The following PIK3R1 variants were observed in gnomAD, a reference collection of about 807,000 sequenced individuals.
PIK3R1 encodes phosphoinositide-3-kinase regulatory subunit 1.
Under a neutral mutation model 98.0 loss-of-function variants are expected in PIK3R1, and 29 were observed. The observed-to-expected ratio is 0.30, with a 90% CI of 0.22 to 0.40. The LOEUF is 0.40. Among genes scored for constraint, PIK3R1 ranks in the 10% least tolerant of loss-of-function variants. PIK3R1 has a pLI of 1.00. For missense variants in PIK3R1, 596 were observed against 872.7 expected (o/e 0.68, Z 3.99); for synonymous variants, 282 against 311.8 (o/e 0.90, Z 1.01).
At chr5:68,267,294 A>G (rs1206454936) in intron 2 of PIK3R1, among the ~76,000 whole-genome samples, 2 of 152,172 alleles carry the variant, frequency 1.3e-5, no homozygotes, top group Non-Finnish European at 2.9e-5. Context: ...CCCGTCAGAA[A>G]CAAAGCTGTT....
chr5:68,280,095 C>A (rs57659863), intron 5 of PIK3R1: 5,669 of 317,700 alleles, frequency 0.018, 331 homozygotes, highest in African/African-American at 0.11. Context: ...TCCTGAGTGG[C>A]CATAACAGAA....
intron 2 of PIK3R1, among the ~76,000 whole-genome samples, chr5:68,228,658 C>T (rs1001857511): frequency 1.3e-5 from 2 of 151,696 alleles, no homozygotes; most frequent in Non-Finnish European, 2.9e-5. Flanking sequence ...TAGCCTAATT[C>T]CAAAGGAAAA....
intron 2 of PIK3R1, among the ~76,000 whole-genome samples, chr5:68,251,262 T>G (rs1200670764): frequency 6.6e-6 from 1 of 152,100 alleles, no homozygotes; most frequent in East Asian, 1.9e-4. Context: ...TTTAATAATG[T>G]CTGGTGGAAA....
intron 2 of PIK3R1, among the ~76,000 whole-genome samples, chr5:68,242,189 A>G (rs374071472): frequency 2.0e-5 from 3 of 152,370 alleles, no homozygotes; most frequent in East Asian, 3.9e-4. Flanking sequence ...ATTCCAACCT[A>G]GAAAAATGTT....
At chr5:68,278,582 T>A (rs1031419422) in intron 4 of PIK3R1, among the ~76,000 whole-genome samples, 12 of 152,158 alleles carry the variant, frequency 7.9e-5, no homozygotes, top group African/African-American at 2.9e-4. Context: ...TGTTAGGAAA[T>A]GTTTGGGTTC....
intron 2 of PIK3R1, among the ~76,000 whole-genome samples, chr5:68,227,294 A>G (rs1175675660): frequency 3.3e-5 from 5 of 152,190 alleles, no homozygotes; most frequent in African/African-American, 9.7e-5. Flanking sequence ...AACATCTACT[A>G]TATTTCTTAT....
intron 2 of PIK3R1, among the ~76,000 whole-genome samples, chr5:68,261,942 G>A (rs930467452): frequency 2.0e-5 from 3 of 152,096 alleles, no homozygotes; most frequent in East Asian, 1.9e-4. Context: ...TGGAGCATAG[G>A]TTATTACGGT....
chr5:68,261,387 A>G (rs1379439021), intron 2 of PIK3R1, among the ~76,000 whole-genome samples: 2 of 152,174 alleles, frequency 1.3e-5, no homozygotes, highest in African/African-American at 2.4e-5. Flanking sequence ...AAAAATCTGG[A>G]ACATATGGCC....
Position 68,301,174 on chromosome 5 carries a change from A to C in PIK3R1, c.*3573A>C, listed in dbSNP as rs1049186099. The stretch of plus-strand genomic sequence containing the variant: ...GGGGCAGTTTAAAGCACAATGTCTC[A>C]CATGGGACAAAGTTCCAAAATGCCA... On this transcript the variant is annotated 3_prime_UTR_variant, in exon 16 of 16. Coordinates refer to ENST00000521381, the MANE Select transcript of PIK3R1 (RefSeq NM_181523.3). 2 of 223,000 alleles carry C rather than the reference A, an allele frequency of 9.0e-6. No individual in the cohort carries two copies. The highest frequency in any genetic ancestry group is 1.8e-5 in the Non-Finnish European group (2 of 111,730). The allele number at this position is 223,000 out of a possible 1,614,324, so 13.8% of individuals were successfully genotyped here.
chr5:68,301,419 T>C lies in PIK3R1; in HGVS notation c.*3818T>C, dbSNP rs1157407260. Reference sequence around the variant, plus strand: ...ATATATATATATATATATATATATATATATATATATATATGTGTGTGTATA... The same window carrying C: ...ATATATATATATATATATATATATACATATATATATATATGTGTGTGTATA... On this transcript the variant is annotated 3_prime_UTR_variant, in exon 16 of 16. Coordinates refer to ENST00000521381, the MANE Select transcript of PIK3R1 (RefSeq NM_181523.3). 4.6e-5 allele frequency: 5 copies of C among 107,866 alleles called. No individual in the cohort carries two copies. Among genetic ancestry groups the C allele is most frequent in the African/African-American group, 2.2e-4 (5 of 23,188 alleles). 6.7% of individuals were successfully genotyped at this position (107,866 alleles called of 1,614,324 possible).
At chr5:68,292,672 C>A in intron 8 of PIK3R1, 1 of 1,299,584 alleles carries the variant, frequency 7.7e-7, no homozygotes. Context: ...GAATTCTTGC[C>A]TTAAACACAA....
At chr5:68,239,406 A>C (rs1744790193) in intron 2 of PIK3R1, among the ~76,000 whole-genome samples, 1 of 152,166 alleles carries the variant, frequency 6.6e-6, no homozygotes, top group Admixed American at 6.5e-5. Context: ...GTATATACAC[A>C]TACATATATA....
At chr5:68,228,397 A>G (rs950714639) in intron 2 of PIK3R1, among the ~76,000 whole-genome samples, 6 of 152,198 alleles carry the variant, frequency 3.9e-5, no homozygotes, top group African/African-American at 1.4e-4. Flanking sequence ...ACCCAGCCCA[A>G]AGGGATACTT....
chr5:68,292,705 GTTAGC>G (rs1307206309), intron 8 of PIK3R1: 8 of 1,273,644 alleles, frequency 6.3e-6, no homozygotes, highest in Non-Finnish European at 8.0e-6. Flanking sequence ...GCCATTTTAT[GTTAGC>G]TTTGGGAAGG....
chr5:68,236,104 C>T (rs1744655613), intron 2 of PIK3R1, among the ~76,000 whole-genome samples: 2 of 151,784 alleles, frequency 1.3e-5, no homozygotes, highest in Admixed American at 1.3e-4. Flanking sequence ...CTCCTAACCT[C>T]AGGTGATCCA....
chr5:68,273,589 A>G (rs1746450256), intron 3 of PIK3R1, 107 bp downstream of exon 3: 3 of 939,856 alleles, frequency 3.2e-6, no homozygotes, highest in Non-Finnish European at 5.2e-6. Context: ...ACTACCAGCT[A>G]TGTCCAGATA....
intron 2 of PIK3R1, among the ~76,000 whole-genome samples, chr5:68,270,824 T>C (rs1746324527): frequency 6.6e-6 from 1 of 152,226 alleles, no homozygotes; most frequent in Non-Finnish European, 1.5e-5. Context: ...TGAGAGAGGA[T>C]ACTTTTGTGA....
intron 1 of PIK3R1, among the ~76,000 whole-genome samples, chr5:68,222,350 G>T (rs1744120016): frequency 6.6e-6 from 1 of 152,208 alleles, no homozygotes; most frequent in African/African-American, 2.4e-5. Flanking sequence ...CAGTCCTCTA[G>T]ATGTGACAGT....
chr5:68,232,213 T>G (rs1244493642), intron 2 of PIK3R1, among the ~76,000 whole-genome samples: 4 of 152,218 alleles, frequency 2.6e-5, no homozygotes, highest in Admixed American at 2.6e-4. Context: ...TGCAACACAG[T>G]TCACCCTCTC....
Sources: gnomAD v4.1 joint callset for allele counts (sites outside exome capture counted in the v4.1 genomes callset) on GRCh38, gnomAD v4.1.1 for gene constraint, MANE v1.5 for transcripts, NCBI Gene and HGNC (gene_info 2026-07-23, HGNC 2026-07-21) for gene names.